Variants in CNTNAP3B observed in about 807,000 individuals in gnomAD.
The protein encoded by CNTNAP3B is contactin associated protein family member 3B.
Under a neutral mutation model 108.9 loss-of-function variants are expected in CNTNAP3B, and 25 were observed. The ratio of observed to expected loss-of-function variants is 0.23; its 90% CI spans 0.17 to 0.32. The LOEUF (loss-of-function observed/expected upper bound fraction) is 0.32, where lower values mean the gene tolerates loss of function less well. CNTNAP3B is among the 10% of genes least tolerant of loss of function. The pLI is 1.00. For synonymous variants in CNTNAP3B, 103 were observed against 473.4 expected, an observed-to-expected ratio of 0.22 and a Z score of 10.16; for missense variants, 252 against 1,210.4, an observed-to-expected ratio of 0.21 and a Z score of 11.75.
At chr9:42,075,644 C>T in intron 3 of CNTNAP3B, among the ~76,000 whole-genome samples, 1 of 125,904 alleles carries the variant, frequency 7.9e-6, no homozygotes, top group South Asian at 2.6e-4. Context: ...GACGGTACCT[C>T]TGTCATTGAC....
intron 1 of CNTNAP3B, among the ~76,000 whole-genome samples, chr9:42,117,943 C>T (rs1828358433): frequency 7.2e-6 from 1 of 138,130 alleles, no homozygotes; most frequent in Non-Finnish European, 1.5e-5. Flanking sequence ...GGATAAATTC[C>T]TCGACACATA....
At chr9:41,933,782 A>G (rs1271864440) in intron 14 of CNTNAP3B, among the ~76,000 whole-genome samples, 2 of 152,386 alleles carry the variant, frequency 1.3e-5, no homozygotes, top group African/African-American at 4.8e-5. Flanking sequence ...TGTGTCTTTA[A>G]CTGACACATG....
chr9:42,111,865 T>C lies in CNTNAP3B; in HGVS notation c.86-7126A>G, dbSNP rs1202074776. Among the ~76,000 whole-genome samples the C allele has an allele frequency of 5.1e-5, 7 of 138,594 alleles. 1 individual carries two copies. Among genetic ancestry groups the C allele is most frequent in the Non-Finnish European group, 9.3e-5 (6 of 64,864 alleles). The allele number at this position is 138,594 out of a possible 152,430, so 90.9% of individuals were successfully genotyped here. On this transcript the variant is annotated intron_variant, in intron 1 of 23. Coordinates refer to ENST00000377561, the MANE Select transcript of CNTNAP3B (RefSeq NM_001201380.3). ...AATCCTTACAGCCAATGTTTCCTTA[T>C]TGACTGTCCCCAGCCACACACACAC...
At chr9:41,930,182 C>T (rs1005347091) in intron 14 of CNTNAP3B, among the ~76,000 whole-genome samples, 2 of 152,264 alleles carry the variant, frequency 1.3e-5, no homozygotes, top group Non-Finnish European at 2.9e-5. Context: ...ATACTACACC[C>T]TTATAAGTAA....
chr9:42,094,701 G>A (rs1247397552), intron 2 of CNTNAP3B, among the ~76,000 whole-genome samples: 1 of 90,726 alleles, frequency 1.1e-5, no homozygotes, highest in Non-Finnish European at 2.2e-5. Context: ...GAAAAAAAGA[G>A]GGAAGGAAAA....
chr9:41,966,973 AC>A (rs1825297829), intron 10 of CNTNAP3B, among the ~76,000 whole-genome samples: 1 of 150,184 alleles, frequency 6.7e-6, no homozygotes, highest in Non-Finnish European at 1.5e-5. Flanking sequence ...TCTCAAAAAA[AC>A]AAACAAACAA....
intron 14 of CNTNAP3B, among the ~76,000 whole-genome samples, chr9:41,932,541 C>CA (rs1824010169): frequency 6.9e-6 from 1 of 144,132 alleles, no homozygotes; most frequent in East Asian, 2.0e-4. Context: ...TTTTTCGAGA[C>CA]AGAGTCTCAC....
chr9:42,087,520 A>G (rs1482439323), intron 2 of CNTNAP3B, among the ~76,000 whole-genome samples: 2 of 142,080 alleles, frequency 1.4e-5, no homozygotes, highest in Non-Finnish European at 3.1e-5. Context: ...TGTAATATTC[A>G]TACGTGCCCT....
chr9:42,107,581 C>T (rs1334322115), intron 1 of CNTNAP3B, among the ~76,000 whole-genome samples: 12 of 123,356 alleles, frequency 9.7e-5, no homozygotes, highest in South Asian at 2.7e-4. Flanking sequence ...TTTTCCATTT[C>T]GCCTTTGGAA....
rs1037929773 is a variant in CNTNAP3B, at chr9:42,075,453, C to T, written c.390+1416G>A. Among the ~76,000 whole-genome samples, 8 of 137,722 alleles carry T rather than the reference C, an allele frequency of 5.8e-5. 1 individual carries two copies. Among genetic ancestry groups the T allele is most frequent in the Non-Finnish European group, 9.3e-5 (6 of 64,558 alleles). 90.4% of individuals were successfully genotyped at this position (137,722 alleles called of 152,430 possible). ...TCCAGTGAAGCTCAACACGCTCCTA[C>T]ACGAGGTAAGATCATGAGAGTTGAC... On this transcript the variant is annotated intron_variant, in intron 3 of 23. Transcript: ENST00000377561.
At chr9:41,979,943 C>CT (rs1825594599) in intron 9 of CNTNAP3B, 1 of 93,074 alleles carries the variant, frequency 1.1e-5, no homozygotes, top group Non-Finnish European at 1.9e-5. Flanking sequence ...TTTGAGGAAA[C>CT]CTTTTTTTTT....
intron 1 of CNTNAP3B, among the ~76,000 whole-genome samples, chr9:42,127,697 G>T (rs1228664009): frequency 7.2e-6 from 1 of 139,712 alleles, no homozygotes; most frequent in South Asian, 2.3e-4. Flanking sequence ...TCTGAAACAC[G>T]GTACAGCATC....
At chr9:41,960,044 C>T (rs563489319) in intron 12 of CNTNAP3B, 695 of 149,376 alleles carry the variant, frequency 4.7e-3, no homozygotes, top group Non-Finnish European at 7.3e-3. Flanking sequence ...TGTCGCCAGG[C>T]TGGAGTGCAA....
intron 16 of CNTNAP3B, among the ~76,000 whole-genome samples, chr9:41,923,704 G>C (rs1823730182): frequency 6.6e-6 from 1 of 152,298 alleles, no homozygotes; most frequent in South Asian, 2.1e-4. Context: ...TGAGGTTGCA[G>C]TGAGCCAAGA....
intron 11 of CNTNAP3B, among the ~76,000 whole-genome samples, chr9:41,961,165 G>C (rs1360001617): frequency 6.6e-6 from 1 of 152,308 alleles, no homozygotes; most frequent in South Asian, 2.1e-4. Flanking sequence ...CGGTCACAGT[G>C]TATTTCTATT....
intron 15 of CNTNAP3B, among the ~76,000 whole-genome samples, chr9:41,924,453 A>T (rs1422619690): frequency 5.9e-5 from 9 of 152,298 alleles, no homozygotes; most frequent in Non-Finnish European, 1.2e-4. Context: ...AGAAGGGTGG[A>T]GTCTGAGGTG....
chr9:42,053,989 A>C (rs1311385129), intron 3 of CNTNAP3B, among the ~76,000 whole-genome samples: 1 of 151,936 alleles, frequency 6.6e-6, no homozygotes, highest in East Asian at 1.9e-4. Context: ...ATATCAACAC[A>C]AAGGTTTGAT....
intron 3 of CNTNAP3B, among the ~76,000 whole-genome samples, chr9:42,019,253 CATT>C (rs1198928343): frequency 4.4e-5 from 3 of 68,162 alleles, no homozygotes; most frequent in Admixed American, 1.9e-4. Context: ...CTCATGAATG[CATT>C]ATTAATATTT....
At chr9:42,026,617 T>G (rs1166585427) in intron 3 of CNTNAP3B, among the ~76,000 whole-genome samples, 2 of 100,160 alleles carry the variant, frequency 2.0e-5, no homozygotes, top group Non-Finnish European at 4.1e-5. Context: ...AAAAAGCCTT[T>G]CTCTGGCCAT....
Sources: gnomAD v4.1 joint callset for allele counts (sites outside exome capture counted in the v4.1 genomes callset) on GRCh38, gnomAD v4.1.1 for gene constraint, MANE v1.5 for transcripts, NCBI Gene and HGNC (gene_info 2026-07-23, HGNC 2026-07-21) for gene names.